The following SORBS2 variants were observed in gnomAD, a reference collection of about 807,000 sequenced individuals.
SORBS2 encodes the protein sorbin and SH3 domain-containing protein 2.
In SORBS2, 46 loss-of-function variants were observed where a neutral mutation model predicts 97.7. The observed-to-expected ratio is 0.47, with a 90% CI of 0.37 to 0.60. The LOEUF (loss-of-function observed/expected upper bound fraction) is 0.60, where lower values mean the gene tolerates loss of function less well. Among genes scored for constraint, SORBS2 ranks in the 20% least tolerant of loss-of-function variants. SORBS2 has a pLI of 0.00. For missense variants in SORBS2, 1,316 were observed against 1,282.3 expected (o/e 1.03, Z -0.40); for synonymous variants, 476 against 473.4 (o/e 1.01, Z -0.07).
At chr4:185,714,579 C>G (rs1352427965) in intron 2 of SORBS2, among the ~76,000 whole-genome samples, 2 of 152,126 alleles carry the variant, frequency 1.3e-5, no homozygotes, top group Non-Finnish European at 2.9e-5. Context: ...AAAGACATAC[C>G]TGAGACTGGG....
chr4:185,871,758 A>G (rs946409802), intron 1 of SORBS2, among the ~76,000 whole-genome samples: 3 of 152,166 alleles, frequency 2.0e-5, no homozygotes, highest in Admixed American at 6.5e-5. Context: ...CTTGCTTGGA[A>G]ATACACCTGT....
chr4:185,640,023 C>G (rs746960870), intron 4 of SORBS2, among the ~76,000 whole-genome samples: 1 of 152,160 alleles, frequency 6.6e-6, no homozygotes, highest in Non-Finnish European at 1.5e-5. Context: ...TAATGATACA[C>G]AGTCTACACT....
intron 13 of SORBS2, chr4:185,593,348 G>A (rs2096003245): frequency 6.6e-6 from 1 of 152,488 alleles, no homozygotes; most frequent in African/African-American, 2.4e-5. Context: ...GAATTTGAAA[G>A]GAAAGTTTGA....
intron 1 of SORBS2, among the ~76,000 whole-genome samples, chr4:185,905,740 A>C: frequency 6.6e-6 from 1 of 152,190 alleles, no homozygotes; most frequent in Admixed American, 6.5e-5. Flanking sequence ...CTGGGATTAC[A>C]CACATGAGCT....
Position 185,606,478 on chromosome 4 carries a change from T to TA in SORBS2, c.2796+5301dup, listed in dbSNP as rs553140925. The stretch of plus-strand genomic sequence containing the variant: ...TTATATAGTATTTGTGTTTTTTGTT[T>TA]AAAAAAATCTGTTAGTCAAAATAGG... On this transcript the variant is annotated intron_variant, in intron 12 of 14. Transcript: ENST00000418609. This position sits in a 1 kb window ranked among gnomAD's most constrained non-coding sequence, Gnocchi z 4.3. The TA allele has an allele frequency of 1.4e-5, 14 of 982,446 alleles. No homozygotes were observed. In the East Asian group the frequency reaches 6.8e-4, roughly 48 times the overall value. 60.9% of individuals were successfully genotyped at this position (982,446 alleles called of 1,614,324 possible). A position where few individuals can be genotyped will look rare whatever the true frequency, so the allele number is the denominator to read the frequency against.
At chr4:185,909,985 G>GA (rs142443290) in intron 1 of SORBS2, among the ~76,000 whole-genome samples, 125 of 112,640 alleles carry the variant, frequency 1.1e-3, no homozygotes, top group African/African-American at 2.8e-3. Flanking sequence ...CTCCATCTCA[G>GA]AAAAAAAAAA....
chr4:185,735,479 GAAAA>G (rs1418548097), intron 2 of SORBS2, among the ~76,000 whole-genome samples: 1 of 151,284 alleles, frequency 6.6e-6, no homozygotes, highest in Non-Finnish European at 1.5e-5. Flanking sequence ...AAAACAAAGG[GAAAA>G]AAGGGCAAAC....
intron 2 of SORBS2, among the ~76,000 whole-genome samples, chr4:185,740,922 C>G (rs2098720521): frequency 6.6e-6 from 1 of 152,042 alleles, no homozygotes; most frequent in Admixed American, 6.6e-5. Context: ...CTCAAACCAG[C>G]ACCAACTCAA....
intron 1 of SORBS2, among the ~76,000 whole-genome samples, chr4:185,820,150 G>A (rs1419839879): frequency 6.6e-6 from 1 of 152,238 alleles, no homozygotes; most frequent in Admixed American, 6.5e-5. Flanking sequence ...GGACCAGAGC[G>A]TCAAAAAGCA....
intron 1 of SORBS2, among the ~76,000 whole-genome samples, chr4:185,929,943 C>T (rs1401667678): frequency 6.6e-6 from 1 of 152,148 alleles, no homozygotes; most frequent in East Asian, 1.9e-4. Context: ...CACTCTCAAG[C>T]CTCAGCTCAG....
chr4:185,659,162 ATT>A (rs2097465203), upstream of SORBS2, among the ~76,000 whole-genome samples: 1 of 152,190 alleles, frequency 6.6e-6, no homozygotes, highest in South Asian at 2.1e-4. Context: ...TTTTTAATAC[ATT>A]TTTTGATGAA....
At chr4:185,587,535 G>A (rs1412062362) in exon 15 of SORBS2, 26 of 1,080,792 alleles carry the variant, frequency 2.4e-5, no homozygotes, top group Admixed American at 3.7e-5. Context: ...GAAACCGTAA[G>A]GCATGACAAC....
intron 1 of SORBS2, among the ~76,000 whole-genome samples, chr4:185,921,751 C>T (rs1027726571): frequency 6.6e-6 from 1 of 152,224 alleles, no homozygotes; most frequent in Non-Finnish European, 1.5e-5. Flanking sequence ...CTATTTTTAG[C>T]CAGTTCTTTT....
chr4:185,637,442 C>T (rs905396720), intron 4 of SORBS2, among the ~76,000 whole-genome samples: 1 of 152,228 alleles, frequency 6.6e-6, no homozygotes, highest in South Asian at 2.1e-4. Context: ...TCTCAGAACC[C>T]GTCCACATCC....
chr4:185,637,648 G>C (rs1024877369), intron 4 of SORBS2, among the ~76,000 whole-genome samples: 1 of 152,062 alleles, frequency 6.6e-6, no homozygotes, highest in African/African-American at 2.4e-5. Context: ...AGGAGGCCTC[G>C]AGGAGATAAT....
At chr4:185,666,014 G>T in intron 4 of SORBS2, 3 of 1,289,018 alleles carry the variant, frequency 2.3e-6, no homozygotes, top group Non-Finnish European at 3.0e-6. Context: ...TTATGCAGGC[G>T]TGAAGACCCC....
At chr4:185,926,551 TTTTG>T (rs201919578) in intron 1 of SORBS2, among the ~76,000 whole-genome samples, 50 of 134,606 alleles carry the variant, frequency 3.7e-4, no homozygotes, top group South Asian at 4.7e-4. Flanking sequence ...CAAGTTGTGG[TTTTG>T]TTTTTTTTTT....
chr4:185,765,446 C>CAAATGA, intron 2 of SORBS2, among the ~76,000 whole-genome samples: 1 of 152,082 alleles, frequency 6.6e-6, no homozygotes, highest in Non-Finnish European at 1.5e-5. Context: ...ATGATGTGGA[C>CAAATGA]ACAAATGATT....
rs149353219 is a variant in SORBS2, at chr4:185,623,188, T to C, written c.1941A>G (p.Lys647=). ...GCAAGCTCCCCCTTTTCTTTTCAGC[T>C]TTAATTTGGTCACAGATGTCTTTAA... is the stretch of plus-strand genomic sequence containing the variant. The change falls in exon 7 of 15, where the codon AAA becomes AAG. Residue 647 remains lysine, a synonymous_variant. Transcript: ENST00000418609. The surrounding 1 kb of genome is among the most constrained non-coding windows in gnomAD (Gnocchi z 6.4). The C allele has an allele frequency of 1.6e-4, 256 of 1,614,136 alleles. 2 individuals are homozygous for C. Among genetic ancestry groups the C allele is most frequent in the South Asian group, 1.3e-3 (117 of 91,080 alleles).
Sources: gnomAD v4.1 joint callset for allele counts (sites outside exome capture counted in the v4.1 genomes callset) on GRCh38, gnomAD v4.1.1 for gene constraint, Gnocchi (gnomAD v3.1) non-coding constraint, MANE v1.5 for transcripts, NCBI Gene and HGNC (gene_info 2026-07-23, HGNC 2026-07-21) for gene names.